The following RBFOX1 variants were observed in gnomAD, a reference collection of about 807,000 sequenced individuals.
RBFOX1 encodes RNA binding protein fox-1 homolog 1.
RBFOX1 carries 8 observed loss-of-function variants against 57.7 expected under a neutral mutation model. The observed-to-expected ratio is 0.14, with a 90% CI of 0.08 to 0.25. RBFOX1 has a LOEUF of 0.25. Among genes scored for constraint, RBFOX1 ranks in the 10% least tolerant of loss-of-function variants. The pLI is 1.00. For synonymous variants in RBFOX1, 326 were observed against 222.4 expected (o/e 1.47, Z -4.15); for missense variants, 611 against 548.5 (o/e 1.11, Z -1.14).
intron 3 of RBFOX1, among the ~76,000 whole-genome samples, chr16:5,803,640 A>C (rs1245417050): frequency 4.6e-5 from 7 of 152,164 alleles, no homozygotes; most frequent in African/African-American, 1.7e-4. Context: ...GGGATGAATT[A>C]ATAAAGTGCT....
At chr16:7,034,637 C>T (rs1019944385) in intron 3 of RBFOX1, among the ~76,000 whole-genome samples, 12 of 151,672 alleles carry the variant, frequency 7.9e-5, no homozygotes, top group Non-Finnish European at 1.6e-4. Context: ...ATTGAAGACA[C>T]ATCAGTGAGG....
chr16:6,946,714 T>C (rs1231610858), intron 3 of RBFOX1, among the ~76,000 whole-genome samples: 1 of 152,092 alleles, frequency 6.6e-6, no homozygotes, highest in Non-Finnish European at 1.5e-5. Flanking sequence ...GTGATCCTCT[T>C]GCCTGAGTCT....
At chr16:5,450,945 G>A (rs984493119) in intron 1 of RBFOX1, among the ~76,000 whole-genome samples, 2 of 152,164 alleles carry the variant, frequency 1.3e-5, no homozygotes, top group African/African-American at 4.8e-5. Flanking sequence ...GAGCCTCAGT[G>A]TTCTCATCTG....
At chr16:6,719,051 C>T (rs1049310624) in intron 3 of RBFOX1, among the ~76,000 whole-genome samples, 3 of 151,932 alleles carry the variant, frequency 2.0e-5, no homozygotes, top group African/African-American at 7.3e-5. Flanking sequence ...ATTTTTTGTA[C>T]AGATGAGACT....
chr16:7,174,519 A>T (rs558755535), intron 4 of RBFOX1, among the ~76,000 whole-genome samples: 26 of 152,298 alleles, frequency 1.7e-4, no homozygotes, highest in African/African-American at 6.3e-4. Context: ...AGTGGCTCAC[A>T]CCTGCAATCC....
intron 1 of RBFOX1, among the ~76,000 whole-genome samples, chr16:6,068,097 A>ATT (rs35163332): frequency 6.6e-6 from 1 of 151,646 alleles, no homozygotes; most frequent in Non-Finnish European, 1.5e-5. Context: ...CTCTTCATTC[A>ATT]TTTTTTTGTC....
intron 2 of RBFOX1, among the ~76,000 whole-genome samples, chr16:6,499,366 C>T (rs1188749837): frequency 5.3e-5 from 8 of 151,190 alleles, no homozygotes; most frequent in Admixed American, 5.3e-4. Context: ...ACACCACAAA[C>T]AGCCATGTGT....
rs529709674 is a variant in RBFOX1 at position 6,937,010 on chromosome 16, G to A, written c.-15-115047G>A. On this transcript the variant is annotated intron_variant, in intron 3 of 15. Transcript: ENST00000550418. ...TAATGCTAGATGACGAGTTAGTGGGGGTAGCACACCAGCATTGCACATGTA... is the reference window on the plus strand; with the variant it reads ...TAATGCTAGATGACGAGTTAGTGGGAGTAGCACACCAGCATTGCACATGTA... Among the ~76,000 whole-genome samples the A allele has an allele frequency of 2.0e-3, 301 of 150,856 alleles. 1 individual carries two copies. The highest frequency in any genetic ancestry group is 6.6e-3 in the African/African-American group (272 of 41,116).
At chr16:6,424,956 A>C in intron 2 of RBFOX1, among the ~76,000 whole-genome samples, 1 of 152,216 alleles carries the variant, frequency 6.6e-6, no homozygotes, top group Non-Finnish European at 1.5e-5. Context: ...CTAAGTCGAC[A>C]TACCAAACAG....
intron 7 of RBFOX1, among the ~76,000 whole-genome samples, chr16:7,589,072 T>C (rs189048238): frequency 6.6e-6 from 1 of 152,316 alleles, no homozygotes; most frequent in Non-Finnish European, 1.5e-5. Context: ...CGGGGACTAT[T>C]GCTATACCTG....
chr16:6,759,356 G>A (rs1603602060), intron 3 of RBFOX1, among the ~76,000 whole-genome samples: 1 of 152,012 alleles, frequency 6.6e-6, no homozygotes, highest in Non-Finnish European at 1.5e-5. Context: ...TAGTCGTGTT[G>A]GCCAGGCTGG....
chr16:6,197,118 T>C (rs1219396588), intron 1 of RBFOX1, among the ~76,000 whole-genome samples: 4 of 152,126 alleles, frequency 2.6e-5, no homozygotes, highest in Non-Finnish European at 5.9e-5. Flanking sequence ...TATTGGGAGG[T>C]TCTGAAATAG....
chr16:6,783,848 C>T (rs1415605384), intron 3 of RBFOX1, among the ~76,000 whole-genome samples: 1 of 152,104 alleles, frequency 6.6e-6, no homozygotes, highest in Non-Finnish European at 1.5e-5. Flanking sequence ...TGAATTACCT[C>T]AGGTTTTGTT....
intron 4 of RBFOX1, among the ~76,000 whole-genome samples, chr16:7,108,204 C>A (rs1449877013): frequency 6.6e-6 from 1 of 152,134 alleles, no homozygotes; most frequent in African/African-American, 2.4e-5. Flanking sequence ...GTCTCTGGGT[C>A]ATCATGAGCA....
intron 4 of RBFOX1, among the ~76,000 whole-genome samples, chr16:5,908,111 C>A (rs532974356): frequency 7.3e-6 from 1 of 136,188 alleles, no homozygotes. Flanking sequence ...TATATATATA[C>A]ACATATATAC....
chr16:5,425,036 C>CCTCT (rs760613814), intron 1 of RBFOX1, among the ~76,000 whole-genome samples: 1 of 139,008 alleles, frequency 7.2e-6, no homozygotes, highest in South Asian at 2.3e-4. Context: ...TCCCTCCCTC[C>CCTCT]CTCTCTCTCT....
chr16:5,567,625 A>T (rs903535573), intron 2 of RBFOX1, among the ~76,000 whole-genome samples: 2 of 96,320 alleles, frequency 2.1e-5, no homozygotes, highest in Admixed American at 1.5e-4. Context: ...GGGGGTATTC[A>T]GGTTATAGGC....
At chr16:5,783,739 A>C (rs762737547) in intron 3 of RBFOX1, among the ~76,000 whole-genome samples, 1 of 152,246 alleles carries the variant, frequency 6.6e-6, no homozygotes, top group Admixed American at 6.5e-5. Flanking sequence ...CTGATGTGCC[A>C]AAACTTACCA....
At chr16:5,391,720 C>A (rs1306057122) in intron 1 of RBFOX1, among the ~76,000 whole-genome samples, 1 of 152,002 alleles carries the variant, frequency 6.6e-6, no homozygotes, top group Non-Finnish European at 1.5e-5. Flanking sequence ...CATGTCATCT[C>A]CCTTCTGTAT....
Sources: gnomAD v4.1 joint callset for allele counts (sites outside exome capture counted in the v4.1 genomes callset) on GRCh38, gnomAD v4.1.1 for gene constraint, MANE v1.5 for transcripts, NCBI Gene and HGNC (gene_info 2026-07-23, HGNC 2026-07-21) for gene names.